The following KCNJ12 variants were observed in gnomAD, a reference collection of about 807,000 sequenced individuals.
The protein encoded by KCNJ12 is potassium inwardly rectifying channel subfamily J member 12, also known as ATP-sensitive inward rectifier potassium channel 12.
KCNJ12 carries 2 observed loss-of-function variants against 22.3 expected under a neutral mutation model. The observed-to-expected ratio is 0.09, with a 90% CI of 0.04 to 0.28. The LOEUF is 0.28. Ranked by LOEUF, KCNJ12 falls within the 10% of genes least tolerant of loss-of-function variation. The pLI is 1.00. For synonymous variants in KCNJ12, 117 were observed against 261.4 expected, an observed-to-expected ratio of 0.45 and a Z score of 5.33; for missense variants, 155 against 633.3, an observed-to-expected ratio of 0.24 and a Z score of 8.11.
chr17:21,381,011 A>G (rs1308508889), intron 1 of KCNJ12, among the ~76,000 whole-genome samples: 2 of 152,174 alleles, frequency 1.3e-5, no homozygotes, highest in African/African-American at 4.8e-5. Flanking sequence ...CCAGCCCTCT[A>G]ATTAGCCTTC....
At chr17:21,379,295 G>A (rs1904782282) in intron 1 of KCNJ12, among the ~76,000 whole-genome samples, 1 of 152,210 alleles carries the variant, frequency 6.6e-6, no homozygotes, top group Non-Finnish European at 1.5e-5. Context: ...CATATGGCTG[G>A]GGCGGAAGTG....
chr17:21,407,053 G>A (rs1905987493), intron 1 of KCNJ12, among the ~76,000 whole-genome samples: 2 of 152,396 alleles, frequency 1.3e-5, no homozygotes, highest in Admixed American at 1.3e-4. Flanking sequence ...AATTACTGAT[G>A]TGTGCCCATC....
intron 1 of KCNJ12, among the ~76,000 whole-genome samples, chr17:21,390,630 C>G (rs1415413894): frequency 6.6e-6 from 1 of 152,330 alleles, no homozygotes; most frequent in South Asian, 2.1e-4. Flanking sequence ...TTCTTTCCTT[C>G]CCTCCTTTCT....
intron 1 of KCNJ12, among the ~76,000 whole-genome samples, chr17:21,391,422 C>A (rs541529186): frequency 1.3e-5 from 2 of 152,192 alleles, no homozygotes; most frequent in South Asian, 2.1e-4. Flanking sequence ...CTTGCTGTAC[C>A]CCCGGACCAC....
chr17:21,410,975 A>G (rs1249525959), intron 2 of KCNJ12, among the ~76,000 whole-genome samples: 2 of 152,310 alleles, frequency 1.3e-5, no homozygotes, highest in Admixed American at 6.5e-5. Context: ...GAGGCGCCCC[A>G]GCTAGCTGAA....
Position 21,415,410 on chromosome 17 carries a change from T to C in KCNJ12, c.68T>C (p.Val23Ala), listed in dbSNP as rs781876374. The stretch of plus-strand genomic sequence containing the variant: ...TCGGAGGAGGACGGGCTGCACCTGG[T>C]CACCATGTCGGGCGCCAACGGCTTC... ...VSSEEDGLHL[V>A]TMSGANGFGN... is the part of the protein sequence containing the mutation. The change falls in exon 3 of 3, where the codon GTC becomes GCC. Residue 23 changes from valine to alanine, a missense_variant. Transcript: ENST00000583088. 6.2e-7 allele frequency: 1 copy of C among 1,613,768 alleles called. No individual in the cohort carries two copies. The highest frequency in any genetic ancestry group is 8.5e-7 in the Non-Finnish European group (1 of 1,180,052).
intron 1 of KCNJ12, among the ~76,000 whole-genome samples, chr17:21,398,007 C>T (rs111756506): frequency 6.6e-6 from 1 of 152,162 alleles, no homozygotes; most frequent in Non-Finnish European, 1.5e-5. Context: ...TCTCTTGCCC[C>T]GTTGCCAAGG....
intron 1 of KCNJ12, among the ~76,000 whole-genome samples, chr17:21,395,301 A>G (rs1905316579): frequency 6.6e-6 from 1 of 151,056 alleles, no homozygotes; most frequent in African/African-American, 2.4e-5. Context: ...AAGAAAAAAA[A>G]AAAAAAAAAA....
chr17:21,401,992 TGCA>T (rs1243849789), intron 1 of KCNJ12, among the ~76,000 whole-genome samples: 3 of 152,234 alleles, frequency 2.0e-5, no homozygotes, highest in African/African-American at 7.2e-5. Context: ...GTGTCTGGCA[TGCA>T]GCTTCCTCTG....
chr17:21,418,566 C>T lies in KCNJ12; in HGVS notation c.*1922C>T, dbSNP rs1906974905. 1 of 167,126 alleles carries T rather than the reference C, an allele frequency of 6.0e-6. No individual in the cohort carries two copies. Among genetic ancestry groups the T allele is most frequent in the African/African-American group, 2.4e-5 (1 of 41,414 alleles). The allele number at this position is 167,126 out of a possible 1,614,324, so 10.4% of individuals were successfully genotyped here. A position where few individuals can be genotyped will look rare whatever the true frequency, so the allele number is the denominator to read the frequency against. On this transcript the variant is annotated 3_prime_UTR_variant, in exon 3 of 3. Transcript: ENST00000583088. Reference sequence around the variant, plus strand: ...GCAATGGAAGTCAAGACACCCGACCCCTACATCCTGGGGTAGGCCCGACTC... The same window carrying T: ...GCAATGGAAGTCAAGACACCCGACCTCTACATCCTGGGGTAGGCCCGACTC...
chr17:21,394,362 C>T (rs926060523), intron 1 of KCNJ12, among the ~76,000 whole-genome samples: 2 of 152,222 alleles, frequency 1.3e-5, no homozygotes, highest in South Asian at 4.1e-4. Context: ...GAGCAACAGG[C>T]TCCATCACAC....
At chr17:21,395,927 C>T (rs2142057860) in intron 1 of KCNJ12, among the ~76,000 whole-genome samples, 1 of 152,350 alleles carries the variant, frequency 6.6e-6, no homozygotes. Context: ...AGAGCATGTC[C>T]TGCTGTGCCC....
At chr17:21,409,902 G>T (rs1906220816) in intron 2 of KCNJ12, among the ~76,000 whole-genome samples, 1 of 152,226 alleles carries the variant, frequency 6.6e-6, no homozygotes, top group South Asian at 2.1e-4. Context: ...GAGGGCCATG[G>T]GTTAGCTTCG....
chr17:21,399,202 G>T (rs1355069421), intron 1 of KCNJ12, among the ~76,000 whole-genome samples: 1 of 152,210 alleles, frequency 6.6e-6, no homozygotes, highest in Non-Finnish European at 1.5e-5. Context: ...GCGACTGTGT[G>T]CATGCGCCCT....
rs75113504 is a variant in KCNJ12, at chr17:21,415,429, C to T, written c.87C>T (p.Asn29=). ...ACCTGGTCACCATGTCGGGCGCCAA[C>T]GGCTTCGGCAACGGCAAGGTGCACA... ...GLHLVTMSGA[N]GFGNGKVHTR... Residue 29 remains asparagine (N), a synonymous_variant, in exon 3 of 3, where the codon AAC becomes AAT. Coordinates refer to ENST00000583088, the MANE Select transcript of KCNJ12 (RefSeq NM_021012.5). The T allele has an allele frequency of 0.14, 186,776 of 1,311,010 alleles. No individual in the cohort carries two copies. The highest frequency in any genetic ancestry group is 0.24 in the African/African-American group (14,515 of 60,428). The allele number at this position is 1,311,010 out of a possible 1,614,324, so 81.2% of individuals were successfully genotyped here. A position where few individuals can be genotyped will look rare whatever the true frequency, so the allele number is the denominator to read the frequency against.
At chr17:21,410,723 T>C (rs1210587405) in intron 2 of KCNJ12, among the ~76,000 whole-genome samples, 1 of 152,276 alleles carries the variant, frequency 6.6e-6, no homozygotes, top group Non-Finnish European at 1.5e-5. Context: ...CCTCAGGTCT[T>C]GGTGTTGTGG....
At position 21,393,743 on chromosome 17, in the gene KCNJ12, G is replaced by A. The variant is rs782424705; in HGVS notation, c.-178-14776G>A. On this transcript the variant is annotated intron_variant, in intron 1 of 2. Transcript: ENST00000583088. ...TTACAGATGAAACCACAGGGGCCTG[G>A]AAGGCACCATTCAATCCCATGTGTT... is the stretch of plus-strand genomic sequence containing the variant. Among the ~76,000 whole-genome samples the A allele has an allele frequency of 6.2e-4, 95 of 152,208 alleles. 1 individual carries two copies. The highest frequency in any genetic ancestry group is 1.1e-3 in the Non-Finnish European group (78 of 68,024).
chr17:21,378,418 C>A (rs1162519570), intron 1 of KCNJ12, among the ~76,000 whole-genome samples: 1 of 152,246 alleles, frequency 6.6e-6, no homozygotes, highest in Non-Finnish European at 1.5e-5. Context: ...GTCTGCCCCT[C>A]AGTTCTCTGG....
At chr17:21,409,434 T>C (rs1306405478) in intron 2 of KCNJ12, among the ~76,000 whole-genome samples, 2 of 152,302 alleles carry the variant, frequency 1.3e-5, no homozygotes, top group Admixed American at 1.3e-4. Context: ...GCGCAAGTAG[T>C]TTCCTGGGAG....
Sources: allele counts gnomAD v4.1 joint callset (sites outside exome capture counted in the v4.1 genomes callset), GRCh38; gene constraint gnomAD v4.1.1; transcripts MANE v1.5; gene names NCBI Gene and HGNC (gene_info 2026-07-23, HGNC 2026-07-21).